The following SND1 variants were observed in gnomAD, a reference collection of about 807,000 sequenced individuals.
SND1 encodes the protein staphylococcal nuclease domain-containing protein 1.
Under a neutral mutation model 121.7 loss-of-function variants are expected in SND1, and 38 were observed. That is an observed-to-expected ratio of 0.31 (90% CI 0.24 to 0.41). The LOEUF (loss-of-function observed/expected upper bound fraction) is 0.41, where lower values mean the gene tolerates loss of function less well. Ranked by LOEUF, SND1 falls within the 10% of genes least tolerant of loss-of-function variation. The pLI is 1.00. For missense variants in SND1, 868 were observed against 1,184.6 expected (o/e 0.73, Z 3.92); for synonymous variants, 401 against 447.4 (o/e 0.90, Z 1.31).
At chr7:127,689,558 T>G (rs1016279750) in intron 2 of SND1, among the ~76,000 whole-genome samples, 1 of 152,192 alleles carries the variant, frequency 6.6e-6, no homozygotes, top group Non-Finnish European at 1.5e-5. Context: ...GTATCCCATG[T>G]TAACAGGACG....
At chr7:127,846,391 C>T (rs1023499494) in intron 12 of SND1, among the ~76,000 whole-genome samples, 1 of 152,116 alleles carries the variant, frequency 6.6e-6, no homozygotes, top group Non-Finnish European at 1.5e-5. Flanking sequence ...ACCTGGAAAG[C>T]ATTATGAGTT....
intron 13 of SND1, among the ~76,000 whole-genome samples, chr7:127,900,067 A>C (rs1162699416): frequency 6.6e-6 from 1 of 152,116 alleles, no homozygotes; most frequent in African/African-American, 2.4e-5. Flanking sequence ...TTTTCTTTAG[A>C]TCTCTTTCAT....
At chr7:127,923,623 A>G (rs2116806949) in intron 14 of SND1, among the ~76,000 whole-genome samples, 1 of 152,300 alleles carries the variant, frequency 6.6e-6, no homozygotes, top group African/African-American at 2.4e-5. Context: ...TTAAAATGGC[A>G]CTTGGGGCCA....
chr7:128,088,310 G>C, intron 21 of SND1, among the ~76,000 whole-genome samples: 1 of 151,184 alleles, frequency 6.6e-6, no homozygotes, highest in Admixed American at 6.6e-5. Context: ...AAATAGCTGG[G>C]TGTGGTGGCA....
intron 12 of SND1, among the ~76,000 whole-genome samples, chr7:127,864,765 C>A (rs546272995): frequency 8.7e-4 from 133 of 152,256 alleles, no homozygotes; most frequent in Non-Finnish European, 1.4e-3. Context: ...TCTTTATTTT[C>A]AGCATGCCCC....
intron 16 of SND1, among the ~76,000 whole-genome samples, chr7:128,061,127 C>G (rs1242876678): frequency 6.6e-6 from 1 of 152,166 alleles, no homozygotes; most frequent in East Asian, 1.9e-4. Flanking sequence ...AGGGACTACC[C>G]GCTGCATCCT....
intron 10 of SND1, among the ~76,000 whole-genome samples, chr7:127,746,694 A>G (rs1467383059): frequency 1.3e-5 from 2 of 152,110 alleles, no homozygotes; most frequent in East Asian, 3.9e-4. Flanking sequence ...CCTTCTTCCT[A>G]TGAACATTCA....
At position 128,074,566 on chromosome 7, in the gene SND1, G is replaced by T. The variant is rs1793473997; in HGVS notation, c.1844G>T (p.Gly615Val). Residue 615 changes from glycine to valine, a missense_variant, in exon 17 of 24, where the codon GGT becomes GTT. By Grantham distance (109) the Gly-to-Val change is moderately radical (BLOSUM62 -3). Coordinates refer to ENST00000354725, the MANE Select transcript of SND1 (RefSeq NM_014390.4). ...GNFIGWLHID[G>V]ANLSVLLVEH... ...TTTATCGGCTGGCTGCACATCGACG[G>T]TGCCAACCTGTCCGTCCTGCTGGTG... The T allele has an allele frequency of 6.2e-7, 1 of 1,613,540 alleles. No homozygotes were observed. The highest frequency in any genetic ancestry group is 1.7e-5 in the Admixed American group (1 of 59,994).
At chr7:128,013,178 T>C (rs1803152474) in intron 16 of SND1, among the ~76,000 whole-genome samples, 1 of 152,218 alleles carries the variant, frequency 6.6e-6, no homozygotes, top group East Asian at 1.9e-4. Flanking sequence ...TCTGTGTTTC[T>C]TCATGGGACT....
At chr7:127,977,273 T>G (rs1228977636) in intron 15 of SND1, among the ~76,000 whole-genome samples, 1 of 151,858 alleles carries the variant, frequency 6.6e-6, no homozygotes, top group Non-Finnish European at 1.5e-5. Flanking sequence ...AGAAAAAGAG[T>G]AGAATGGTAA....
chr7:127,971,361 T>C (rs888197926), intron 15 of SND1, among the ~76,000 whole-genome samples: 6 of 152,228 alleles, frequency 3.9e-5, no homozygotes, highest in Non-Finnish European at 8.8e-5. Flanking sequence ...TAGTTTATTA[T>C]GGCTGTCATG....
chr7:127,928,642 C>T (rs755145500), intron 14 of SND1, among the ~76,000 whole-genome samples: 42 of 151,544 alleles, frequency 2.8e-4, no homozygotes, highest in Non-Finnish European at 4.9e-4. Flanking sequence ...GGTTGGAGTG[C>T]AAATGGCACG....
chr7:128,066,782 G>A (rs1490176897), intron 16 of SND1, among the ~76,000 whole-genome samples: 1 of 152,088 alleles, frequency 6.6e-6, no homozygotes, highest in Non-Finnish European at 1.5e-5. Flanking sequence ...CAGCCTTCAC[G>A]CAGCATCAGT....
chr7:127,841,833 G>A (rs1296932376), intron 11 of SND1, among the ~76,000 whole-genome samples: 1 of 152,144 alleles, frequency 6.6e-6, no homozygotes, highest in African/African-American at 2.4e-5. Context: ...TATAGTAGTT[G>A]TTAAGACCTT....
At position 128,030,419 on chromosome 7, in the gene SND1, G is replaced by C. The variant is rs200484242; in HGVS notation, c.1779+39363G>C. 17 of 1,613,898 alleles carry C rather than the reference G, an allele frequency of 1.1e-5. No individual in the cohort carries two copies. The East Asian group carries it at 2.9e-4, about 28-fold the overall frequency. ...TGAGGTTGAGGTACCGGGTGTTCGA[G>C]GGAATACCCTGCGGGACCTCGGAGA... On this transcript the variant is annotated intron_variant, in intron 16 of 23. Transcript: ENST00000354725.
chr7:127,936,900 A>G (rs921456585), intron 15 of SND1, among the ~76,000 whole-genome samples: 6 of 152,180 alleles, frequency 3.9e-5, no homozygotes, highest in African/African-American at 1.4e-4. Flanking sequence ...TCTTATTACT[A>G]TGAACTTTAT....
chr7:127,950,591 A>G (rs1192949351), intron 15 of SND1, among the ~76,000 whole-genome samples: 1 of 152,224 alleles, frequency 6.6e-6, no homozygotes, highest in Admixed American at 6.5e-5. Flanking sequence ...CCAATACTGT[A>G]CATGACTTTC....
intron 16 of SND1, among the ~76,000 whole-genome samples, chr7:128,051,593 T>C (rs549287290): frequency 1.6e-4 from 25 of 152,364 alleles, no homozygotes; most frequent in South Asian, 6.2e-4. Flanking sequence ...TCTGAGATAC[T>C]GTGTTCAGTT....
Position 127,681,475 on chromosome 7 carries a change from T to A in SND1, c.79-5138T>A, listed in dbSNP as rs114128976. 5.0e-3 allele frequency among the ~76,000 whole-genome samples: 757 copies of A among 152,332 alleles called. 4 individuals are homozygous for A. The highest frequency in any genetic ancestry group is 0.017 in the African/African-American group (713 of 41,580). On this transcript the variant is annotated intron_variant, in intron 1 of 23. Transcript: ENST00000354725. ...CTTGATAGTGTCCATTGAAGCACAC[T>A]GTTTTTAATTTTTATGAAGTCCAAT...
Sources: gnomAD v4.1 joint callset for allele counts (sites outside exome capture counted in the v4.1 genomes callset) on GRCh38, gnomAD v4.1.1 for gene constraint, MANE v1.5 for transcripts, NCBI Gene and HGNC (gene_info 2026-07-23, HGNC 2026-07-21) for gene names.